BICD2: variants seen among roughly 807,000 people sequenced by gnomAD.
The protein encoded by BICD2 is protein bicaudal D homolog 2.
BICD2 carries 25 observed loss-of-function variants against 72.9 expected under a neutral mutation model. That is an observed-to-expected ratio of 0.34 (90% CI 0.25 to 0.48). The LOEUF (loss-of-function observed/expected upper bound fraction) is 0.48, where lower values mean the gene tolerates loss of function less well. Among genes scored for constraint, BICD2 ranks in the 20% least tolerant of loss-of-function variants. The pLI is 0.99. For synonymous variants in BICD2, 501 were observed against 516.1 expected, an observed-to-expected ratio of 0.97 and a Z score of 0.40; for missense variants, 894 against 1,175.2, an observed-to-expected ratio of 0.76 and a Z score of 3.50.
At chr9:92,753,499 T>C (rs1015878688) in intron 1 of BICD2, among the ~76,000 whole-genome samples, 3 of 152,208 alleles carry the variant, frequency 2.0e-5, no homozygotes, top group Admixed American at 1.3e-4. Context: ...AAGTAGTTCA[T>C]TTTTTAAAAT....
intron 1 of BICD2, among the ~76,000 whole-genome samples, chr9:92,730,593 G>A (rs1182769917): frequency 2.0e-5 from 3 of 152,200 alleles, no homozygotes; most frequent in East Asian, 3.9e-4. Flanking sequence ...AGGATCACAG[G>A]ATCCTGCCTG....
At chr9:92,760,876 C>T (rs1051046504) in intron 1 of BICD2, among the ~76,000 whole-genome samples, 1 of 152,198 alleles carries the variant, frequency 6.6e-6, no homozygotes, top group African/African-American at 2.4e-5. Flanking sequence ...GGTTATCAGA[C>T]GAATGGGAGA....
At chr9:92,753,562 G>A (rs879497915) in intron 1 of BICD2, among the ~76,000 whole-genome samples, 5 of 151,416 alleles carry the variant, frequency 3.3e-5, no homozygotes, top group South Asian at 4.2e-4. Context: ...TTTTTGAGAC[G>A]GAGTCTTGCT....
intron 1 of BICD2, among the ~76,000 whole-genome samples, chr9:92,759,141 T>C (rs1339593405): frequency 6.6e-6 from 1 of 152,216 alleles, no homozygotes; most frequent in Non-Finnish European, 1.5e-5. Context: ...CCTTCCTGTC[T>C]TTATCTACTT....
At chr9:92,717,776 G>A in intron 6 of BICD2, 21 bp downstream of exon 6, 2 of 1,590,780 alleles carry the variant, frequency 1.3e-6, no homozygotes, top group Non-Finnish European at 1.7e-6. Context: ...GAAGGGGAGG[G>A]CCCGACAGCA....
chr9:92,751,471 A>G (rs929304336), intron 1 of BICD2, among the ~76,000 whole-genome samples: 1 of 152,154 alleles, frequency 6.6e-6, no homozygotes, highest in African/African-American at 2.4e-5. Flanking sequence ...GGAAATAAGT[A>G]GAGTCTATAA....
intron 2 of BICD2, among the ~76,000 whole-genome samples, chr9:92,726,990 T>C (rs905581679): frequency 8.5e-5 from 13 of 152,154 alleles, no homozygotes; most frequent in African/African-American, 2.9e-4. Context: ...TTTTCAGGAA[T>C]AGACGGGCCA....
At chr9:92,724,786 C>T (rs921992498) in intron 2 of BICD2, among the ~76,000 whole-genome samples, 2 of 152,188 alleles carry the variant, frequency 1.3e-5, no homozygotes, top group African/African-American at 4.8e-5. Context: ...CTGCACAAGC[C>T]AAGTCACACC....
chr9:92,754,128 G>C (rs998040051), intron 1 of BICD2, among the ~76,000 whole-genome samples: 10 of 136,236 alleles, frequency 7.3e-5, no homozygotes, highest in Non-Finnish European at 1.5e-4. Context: ...CTGGGCGAGA[G>C]AGCAAGACTA....
intron 1 of BICD2, among the ~76,000 whole-genome samples, chr9:92,744,616 C>T (rs943204395): frequency 1.3e-5 from 2 of 152,004 alleles, no homozygotes; most frequent in Admixed American, 6.6e-5. Flanking sequence ...CCGAGGCGGG[C>T]GGATCATGAG....
At position 92,722,637 on chromosome 9, in the gene BICD2, C is replaced by G. The variant is rs1429536367; in HGVS notation, c.606+19G>C. 1 of 1,613,978 alleles carries G rather than the reference C, an allele frequency of 6.2e-7. No homozygotes were observed. Among genetic ancestry groups the G allele is most frequent in the African/African-American group, 1.3e-5 (1 of 75,070 alleles). On this transcript the variant is annotated intron_variant, in intron 3 of 6. Transcript: ENST00000356884. ...AGTTAACCCACGTGCCACCTCCACC[C>G]CACAGGCCCAAGACTCACCTGGTTC...
At chr9:92,735,603 G>T (rs1853768060) in intron 1 of BICD2, among the ~76,000 whole-genome samples, 2 of 151,784 alleles carry the variant, frequency 1.3e-5, no homozygotes, top group South Asian at 4.2e-4. Flanking sequence ...CAGACCCCAG[G>T]GCTTTGTCAA....
chr9:92,744,781 C>T lies in BICD2; in HGVS notation c.241-15545G>A, dbSNP rs966342188. Among the ~76,000 whole-genome samples the T allele has an allele frequency of 2.0e-5, 3 of 151,572 alleles. No individual in the cohort carries two copies. The East Asian group carries it at 5.8e-4, about 29-fold the overall frequency. Reference sequence around the variant, plus strand: ...ACTTGAACCCAGGAGGTGGAGGTAGCAGTGAGCCAAGATTGTGTCACTGCA... The same window carrying T: ...ACTTGAACCCAGGAGGTGGAGGTAGTAGTGAGCCAAGATTGTGTCACTGCA... On this transcript the variant is annotated intron_variant, in intron 1 of 6. Coordinates refer to ENST00000356884, the MANE Select transcript of BICD2 (RefSeq NM_001003800.2).
chr9:92,758,710 C>T (rs1451021176), intron 1 of BICD2, among the ~76,000 whole-genome samples: 2 of 151,936 alleles, frequency 1.3e-5, no homozygotes, highest in African/African-American at 2.4e-5. Flanking sequence ...AAAAATTAGC[C>T]GGGCATGGTG....
chr9:92,719,279 G>A lies in BICD2; in HGVS notation c.1366C>T (p.Leu456=). ...AGELREQLKA[L]RSTHEAREAQ... Reference sequence around the variant, plus strand: ...TCACGAGCCTCGTGCGTGCTGCGCAGTGCCTTGAGCTGCTCGCGGAGCTCG... The same window carrying A: ...TCACGAGCCTCGTGCGTGCTGCGCAATGCCTTGAGCTGCTCGCGGAGCTCG... The change falls in exon 5 of 7, where the codon CTG becomes TTG. Residue 456 remains leucine, a synonymous_variant. Coordinates refer to ENST00000356884, the MANE Select transcript of BICD2 (RefSeq NM_001003800.2). 6.2e-7 allele frequency: 1 copy of A among 1,613,868 alleles called. No individual in the cohort carries two copies. Among genetic ancestry groups the A allele is most frequent in the Non-Finnish European group, 8.5e-7 (1 of 1,180,026 alleles).
intron 1 of BICD2, among the ~76,000 whole-genome samples, chr9:92,755,255 G>C (rs1320591858): frequency 6.6e-6 from 1 of 152,210 alleles, no homozygotes; most frequent in Non-Finnish European, 1.5e-5. Flanking sequence ...GGTCAGACCA[G>C]TTGATCTCAA....
intron 1 of BICD2, among the ~76,000 whole-genome samples, chr9:92,739,029 A>T (rs1587681835): frequency 6.6e-6 from 1 of 152,212 alleles, no homozygotes; most frequent in Non-Finnish European, 1.5e-5. Context: ...TGGGCATCCC[A>T]GGAATCCCAC....
intron 1 of BICD2, among the ~76,000 whole-genome samples, chr9:92,760,299 G>C (rs1031610697): frequency 6.6e-6 from 1 of 152,218 alleles, no homozygotes; most frequent in Admixed American, 6.5e-5. Flanking sequence ...CCAAAGACGA[G>C]CTGCTCCATC....
Position 92,715,261 on chromosome 9 carries a change from T to C in BICD2, c.2461A>G (p.Thr821Ala), listed in dbSNP as rs776472510. 1.3e-5 allele frequency: 21 copies of C among 1,612,902 alleles called. No individual in the cohort carries two copies. The highest frequency in any genetic ancestry group is 1.6e-5 in the Non-Finnish European group (19 of 1,179,904). The change falls in exon 7 of 7, where the codon ACA becomes GCA. Residue 821 changes from threonine to alanine, a missense_variant. By Grantham distance (58) the Thr-to-Ala change is moderately conservative. Coordinates refer to ENST00000356884, the MANE Select transcript of BICD2 (RefSeq NM_001003800.2). ...GCACAGGTGTGACTTACGCTCGGTG[T>C]GGCTGGCTTGGTCTTCGGGGCGGCT... is the stretch of plus-strand genomic sequence containing the variant. ...AKAAPKTKPA[T>A]PSVSHTCACA...
Sources: gnomAD v4.1 joint callset for allele counts (sites outside exome capture counted in the v4.1 genomes callset) on GRCh38, gnomAD v4.1.1 for gene constraint, MANE v1.5 for transcripts, NCBI Gene and HGNC (gene_info 2026-07-23, HGNC 2026-07-21) for gene names.